The following ITGA1 variants were observed in gnomAD, a reference collection of about 807,000 sequenced individuals.
ITGA1 encodes integrin alpha-1.
Under a neutral mutation model 145.9 loss-of-function variants are expected in ITGA1, and 85 were observed. The ratio of observed to expected loss-of-function variants is 0.58; its 90% CI spans 0.49 to 0.70. The LOEUF (loss-of-function observed/expected upper bound fraction) is 0.70. ITGA1 is among the 30% of genes least tolerant of loss of function. The pLI, the probability that ITGA1 is intolerant of heterozygous loss-of-function variation, is 0.00. For missense variants in ITGA1, 1,351 were observed against 1,418.7 expected (o/e 0.95, Z 0.77); for synonymous variants, 520 against 495.3 (o/e 1.05, Z -0.66).
intron 8 of ITGA1, chr5:52,889,747 C>A (rs1257150626): frequency 6.6e-6 from 1 of 152,556 alleles, no homozygotes; most frequent in East Asian, 1.9e-4. Flanking sequence ...TGTAACAGGA[C>A]TTTGAAGGCA....
rs572617071 is a variant in ITGA1 at position 52,876,710 on chromosome 5, G to T, written c.625-5163G>T. 3.9e-4 allele frequency among the ~76,000 whole-genome samples: 59 copies of T among 152,256 alleles called. 1 individual carries two copies. The highest frequency in any genetic ancestry group is 1.4e-3 in the African/African-American group (59 of 41,536). Reference sequence around the variant, plus strand: ...AGAGAATATCAAAAGCCATGACATAGTCCATACTCTTTACCCCTGCCTGTC... The same window carrying T: ...AGAGAATATCAAAAGCCATGACATATTCCATACTCTTTACCCCTGCCTGTC... On this transcript the variant is annotated intron_variant, in intron 6 of 28. Coordinates refer to ENST00000282588, the MANE Select transcript of ITGA1 (RefSeq NM_181501.2).
At chr5:52,893,867 T>A in intron 9 of ITGA1, 27 bp downstream of exon 9, 1 of 1,552,728 alleles carries the variant, frequency 6.4e-7, no homozygotes, top group Non-Finnish European at 8.8e-7. Context: ...TATTGCTGCA[T>A]GTTCTCTCTG....
chr5:52,945,030 A>G lies in ITGA1; in HGVS notation c.3373A>G (p.Arg1125Gly). The change falls in exon 27 of 29, where the codon AGA becomes GGA. Residue 1125 changes from arginine (R) to glycine (G), a missense_variant. Coordinates refer to ENST00000282588, the MANE Select transcript of ITGA1 (RefSeq NM_181501.2). ...SLVLSSSNQK[R>G]ELAIQISKDG... The stretch of plus-strand genomic sequence containing the variant: ...GGTTTTAAGTAGCAGCAATCAAAAA[A>G]GAGAGGTAAGTGCAACATGAGTTTT... 1 of 1,608,922 alleles carries G rather than the reference A, an allele frequency of 6.2e-7. No individual in the cohort carries two copies. Among genetic ancestry groups the G allele is most frequent in the Non-Finnish European group, 8.5e-7 (1 of 1,175,800 alleles).
At chr5:52,897,962 A>G (rs144669642) in intron 10 of ITGA1, among the ~76,000 whole-genome samples, 261 of 152,294 alleles carry the variant, frequency 1.7e-3, no homozygotes, top group African/African-American at 6.1e-3. Flanking sequence ...GCAGTTAATG[A>G]AAGAAAAGGC....
intron 11 of ITGA1, 97 bp from the exon 12 acceptor site, chr5:52,905,666 T>A (rs1346992444): frequency 9.7e-7 from 1 of 1,026,906 alleles, no homozygotes; most frequent in Non-Finnish European, 1.4e-6. Context: ...TATAACCATA[T>A]AAAAATGATT....
rs1554045457 is a variant in ITGA1, at chr5:52,893,934, C to CTA, written c.1090+95_1090+96insAT. On this transcript the variant is annotated intron_variant, in intron 9 of 28. Coordinates refer to ENST00000282588, the MANE Select transcript of ITGA1 (RefSeq NM_181501.2). ...ATTTATTCCTAATACATCAGTAATA[C>CTA]TTTTTTTTTTTTTTTACTGTGTACA... The CTA allele has an allele frequency of 8.8e-6, 6 of 681,876 alleles. No individual in the cohort carries two copies. The East Asian group carries it at 1.8e-4, about 20-fold the overall frequency. 42.2% of individuals were successfully genotyped at this position (681,876 alleles called of 1,614,324 possible).
intron 6 of ITGA1, among the ~76,000 whole-genome samples, chr5:52,866,041 G>A (rs1315297328): frequency 6.7e-6 from 1 of 149,036 alleles, no homozygotes; most frequent in Admixed American, 6.7e-5. Context: ...TTTAGACAGA[G>A]TCTCACTCTG....
chr5:52,836,419 A>G (rs913326868), intron 1 of ITGA1, among the ~76,000 whole-genome samples: 1 of 152,212 alleles, frequency 6.6e-6, no homozygotes, highest in Non-Finnish European at 1.5e-5. Context: ...ACATTTGTGT[A>G]AGCAAATTGA....
At chr5:52,845,042 G>T (rs749869979) in intron 1 of ITGA1, among the ~76,000 whole-genome samples, 1 of 152,052 alleles carries the variant, frequency 6.6e-6, no homozygotes, top group Non-Finnish European at 1.5e-5. Context: ...ATCATTTTGG[G>T]CAAATTGCCT....
At chr5:52,808,551 G>C (rs989809915) in intron 1 of ITGA1, among the ~76,000 whole-genome samples, 23 of 152,026 alleles carry the variant, frequency 1.5e-4, no homozygotes, top group African/African-American at 5.6e-4. Flanking sequence ...TCTGTGGATA[G>C]AAAACATTTT....
Position 52,937,400 on chromosome 5 carries a change from G to C in ITGA1, c.2965-1G>C. 6.3e-7 allele frequency: 1 copy of C among 1,586,586 alleles called. No individual in the cohort carries two copies. Among genetic ancestry groups the C allele is most frequent in the East Asian group, 2.2e-5 (1 of 44,690 alleles). On this transcript the variant is annotated splice_acceptor_variant, in intron 23 of 28. Transcript: ENST00000282588. LOFTEE classifies it high-confidence loss of function. ...ATTACATTTCCATTTTTTTCTTGTAGATTAGAAAAAGTGGATCTTTTCCAA... is the reference window on the plus strand; with the variant it reads ...ATTACATTTCCATTTTTTTCTTGTACATTAGAAAAAGTGGATCTTTTCCAA...
chr5:52,796,891 C>A (rs1748352874), intron 1 of ITGA1, among the ~76,000 whole-genome samples: 2 of 152,024 alleles, frequency 1.3e-5, no homozygotes, highest in Admixed American at 1.3e-4. Context: ...AAGGAAGTGA[C>A]ATTTTAAACA....
At chr5:52,934,051 A>G (rs1579727934) in intron 23 of ITGA1, 55 bp downstream of exon 23, 3 of 607,474 alleles carry the variant, frequency 4.9e-6, no homozygotes, top group South Asian at 7.7e-5. Flanking sequence ...AAATATATAA[A>G]TTAAAGTATT....
chr5:52,924,681 T>TA (rs1487778984), intron 18 of ITGA1, among the ~76,000 whole-genome samples: 1 of 152,136 alleles, frequency 6.6e-6, no homozygotes, highest in African/African-American at 2.4e-5. Flanking sequence ...GGGAAGCTAT[T>TA]ACTTTAGTTC....
At chr5:52,931,031 C>A (rs1002152649) in intron 21 of ITGA1, 4 of 152,102 alleles carry the variant, frequency 2.6e-5, no homozygotes, top group Admixed American at 6.6e-5. Flanking sequence ...TAATCCAAGG[C>A]AGCATGCTGC....
intron 14 of ITGA1, among the ~76,000 whole-genome samples, chr5:52,911,632 C>CTA (rs1367746529): frequency 0.02 from 1,187 of 60,124 alleles, 203 homozygotes; most frequent in African/African-American, 0.1. Flanking sequence ...ACTATATATA[C>CTA]TATATATAGT....
In ITGA1 at chr5:52,918,799, A is replaced by G; in HGVS notation, c.2056A>G (p.Lys686Glu). 3 of 1,612,892 alleles carry G rather than the reference A, an allele frequency of 1.9e-6. No homozygotes were observed. Among genetic ancestry groups the G allele is most frequent in the Non-Finnish European group, 2.5e-6 (3 of 1,179,392 alleles). Residue 686 changes from lysine (K) to glutamate (E), a missense_variant, in exon 16 of 29, where the codon AAA becomes GAA. Coordinates refer to ENST00000282588, the MANE Select transcript of ITGA1 (RefSeq NM_181501.2). ...FEPNKVNIQK[K>E]NCHMEGKETV... ...GCCAAATAAAGTGAATATTCAAAAG[A>G]AAAACTGCCATATGGAGGGAAAGGA...
intron 1 of ITGA1, among the ~76,000 whole-genome samples, chr5:52,841,914 C>G (rs923521520): frequency 6.6e-6 from 1 of 151,944 alleles, no homozygotes; most frequent in African/African-American, 2.4e-5. Context: ...TAAGAGCTAC[C>G]AAGAATGTAC....
At chr5:52,875,773 A>T (rs1223415308) in intron 6 of ITGA1, among the ~76,000 whole-genome samples, 2 of 152,144 alleles carry the variant, frequency 1.3e-5, no homozygotes, top group African/African-American at 4.8e-5. Context: ...AATGCCTAGG[A>T]TATTTCCACC....
Sources: gnomAD v4.1 joint callset for allele counts (sites outside exome capture counted in the v4.1 genomes callset) on GRCh38, gnomAD v4.1.1 for gene constraint, MANE v1.5 for transcripts, NCBI Gene and HGNC (gene_info 2026-07-23, HGNC 2026-07-21) for gene names.